RPTOR: variants seen among roughly 807,000 people sequenced by gnomAD.
RPTOR encodes the protein regulatory-associated protein of mTOR.
A neutral mutation model predicts 169.9 loss-of-function variants in RPTOR; 21 were observed. The observed-to-expected ratio is 0.12, with a 90% CI of 0.09 to 0.18. The LOEUF is 0.18. Among genes scored for constraint, RPTOR ranks in the 10% least tolerant of loss-of-function variants. The pLI is 1.00. For synonymous variants in RPTOR, 732 were observed against 753.2 expected (o/e 0.97, Z 0.46); for missense variants, 1,133 against 1,855.9 (o/e 0.61, Z 7.16).
At chr17:80,911,521 C>T (rs1420298870) in intron 21 of RPTOR, among the ~76,000 whole-genome samples, 1 of 152,168 alleles carries the variant, frequency 6.6e-6, no homozygotes, top group Non-Finnish European at 1.5e-5. Context: ...GTGGCTCACA[C>T]CTGTAATCCC....
At chr17:80,933,703 A>G (rs1317646838) in intron 24 of RPTOR, among the ~76,000 whole-genome samples, 1 of 152,244 alleles carries the variant, frequency 6.6e-6, no homozygotes, top group African/African-American at 2.4e-5. Context: ...TCCTGATTTC[A>G]AAACTTACTA....
chr17:80,856,753 AAC>A (rs1460726381), intron 12 of RPTOR, among the ~76,000 whole-genome samples: 2 of 152,342 alleles, frequency 1.3e-5, no homozygotes, highest in Admixed American at 1.3e-4. Flanking sequence ...ATGTATTCAT[AAC>A]AGTTTAGAAA....
At chr17:80,718,353 C>T (rs1022454055) in intron 4 of RPTOR, among the ~76,000 whole-genome samples, 4 of 152,198 alleles carry the variant, frequency 2.6e-5, no homozygotes, top group African/African-American at 9.7e-5. Context: ...ATGTTCTACC[C>T]TTACCCCTCC....
chr17:80,821,933 G>T (rs1207984296), intron 7 of RPTOR, among the ~76,000 whole-genome samples: 1 of 152,182 alleles, frequency 6.6e-6, no homozygotes, highest in Non-Finnish European at 1.5e-5. Context: ...TGACCAGCTG[G>T]GCTTGGTCTG....
chr17:80,656,712 C>A (rs183376843), intron 3 of RPTOR, among the ~76,000 whole-genome samples: 1 of 152,224 alleles, frequency 6.6e-6, no homozygotes, highest in Non-Finnish European at 1.5e-5. Flanking sequence ...TCTTTCACTT[C>A]TGTCCATCTC....
chr17:80,863,834 C>A (rs141727312), intron 13 of RPTOR, among the ~76,000 whole-genome samples: 1 of 152,166 alleles, frequency 6.6e-6, no homozygotes, highest in African/African-American at 2.4e-5. Flanking sequence ...GCGGGAGAAT[C>A]GCTTGAGCCC....
chr17:80,695,701 T>C lies in RPTOR; in HGVS notation c.349-12140T>C, dbSNP rs940921118. On this transcript the variant is annotated intron_variant, in intron 3 of 33. Transcript: ENST00000306801. This position sits in a 1 kb window ranked among gnomAD's most constrained non-coding sequence, Gnocchi z 4.9. Reference sequence around the variant, plus strand: ...AGCCAGTGGAGTGGTGTGACTTTTGTATTTATAGACTTCTTCCAAAGGTCA... The same window carrying C: ...AGCCAGTGGAGTGGTGTGACTTTTGCATTTATAGACTTCTTCCAAAGGTCA... Among the ~76,000 whole-genome samples, 1 of 152,170 alleles carries C rather than the reference T, an allele frequency of 6.6e-6. No individual in the cohort carries two copies. The highest frequency in any genetic ancestry group is 1.5e-5 in the Non-Finnish European group (1 of 68,024).
chr17:80,958,325 C>T (rs183030794), intron 29 of RPTOR, among the ~76,000 whole-genome samples: 33 of 151,546 alleles, frequency 2.2e-4, no homozygotes, highest in African/African-American at 6.5e-4. Flanking sequence ...TTCCTGGCTC[C>T]GGCAATCTTC....
At chr17:80,623,852 T>G (rs868767788) in intron 1 of RPTOR, among the ~76,000 whole-genome samples, 32 of 152,258 alleles carry the variant, frequency 2.1e-4, no homozygotes, top group Middle Eastern at 3.4e-3. Context: ...TTCTTTATGC[T>G]AGGAACATTC....
At chr17:80,700,490 G>GTGA (rs2066078310) in intron 3 of RPTOR, among the ~76,000 whole-genome samples, 1 of 145,764 alleles carries the variant, frequency 6.9e-6, no homozygotes, top group South Asian at 2.3e-4. Context: ...GATGGTGGTG[G>GTGA]TGATGGTAGA....
chr17:80,911,641 C>T (rs2068614230), intron 21 of RPTOR, among the ~76,000 whole-genome samples: 1 of 151,968 alleles, frequency 6.6e-6, no homozygotes, highest in Non-Finnish European at 1.5e-5. Context: ...GCAAGTTAGC[C>T]GGGCACGGTG....
At chr17:80,780,226 T>C (rs1300488255) in intron 6 of RPTOR, among the ~76,000 whole-genome samples, 1 of 152,186 alleles carries the variant, frequency 6.6e-6, no homozygotes, top group East Asian at 1.9e-4. Context: ...GCTGAAATGC[T>C]GTTGTGCAAT....
intron 6 of RPTOR, among the ~76,000 whole-genome samples, chr17:80,790,510 T>G (rs1196693188): frequency 6.6e-6 from 1 of 152,102 alleles, no homozygotes; most frequent in African/African-American, 2.4e-5. Flanking sequence ...TTCTCCCATT[T>G]CCTATCCCAC....
intron 7 of RPTOR, among the ~76,000 whole-genome samples, chr17:80,818,690 C>T (rs946988869): frequency 6.6e-5 from 10 of 152,102 alleles, no homozygotes; most frequent in Admixed American, 2.0e-4. Flanking sequence ...TGTCTGAAGT[C>T]GGCTGGGCAG....
chr17:80,677,860 C>T (rs971837432), intron 3 of RPTOR, among the ~76,000 whole-genome samples: 3 of 152,140 alleles, frequency 2.0e-5, no homozygotes, highest in Non-Finnish European at 2.9e-5. Context: ...TGTGTTGTTG[C>T]GATGATCGTG....
chr17:80,677,240 T>C, intron 3 of RPTOR, among the ~76,000 whole-genome samples: 1 of 152,232 alleles, frequency 6.6e-6, no homozygotes, highest in East Asian at 1.9e-4. Context: ...AGACACAATC[T>C]ATGCTTCAAT....
rs550866413 is a variant in RPTOR, at chr17:80,964,780, G to A, written c.*450G>A. On this transcript the variant is annotated 3_prime_UTR_variant, in exon 34 of 34. Coordinates refer to ENST00000306801, the MANE Select transcript of RPTOR (RefSeq NM_020761.3). ...TGTCCCCATCAGGCCAAGAGCGAGC[G>A]AGAGGCGCTGCCCCAGCCAGGCCCA... 3.2e-4 allele frequency: 79 copies of A among 245,142 alleles called. 1 individual carries two copies. The highest frequency in any genetic ancestry group is 1.5e-3 in the South Asian group (10 of 6,876). The allele number at this position is 245,142 out of a possible 1,614,324, so 15.2% of individuals were successfully genotyped here. A position where few individuals can be genotyped will look rare whatever the true frequency, so the allele number is the denominator to read the frequency against.
intron 24 of RPTOR, among the ~76,000 whole-genome samples, chr17:80,938,915 C>T (rs2068988447): frequency 6.6e-6 from 1 of 152,210 alleles, no homozygotes; most frequent in Admixed American, 6.5e-5. Context: ...CCTACAACGA[C>T]CGCCTAAAAC....
rs2065640181 is a variant in RPTOR, at chr17:80,651,601, C to T, written c.348+7791C>T. On this transcript the variant is annotated intron_variant, in intron 3 of 33. Transcript: ENST00000306801. This position sits in a 1 kb window ranked among gnomAD's most constrained non-coding sequence, Gnocchi z 4.1. ...CACCATTTTAAAGTGTACAACTTGGCTGGGCGCAGTGGCTCGCGCCTGTAA... is the reference window on the plus strand; with the variant it reads ...CACCATTTTAAAGTGTACAACTTGGTTGGGCGCAGTGGCTCGCGCCTGTAA... 6.6e-6 allele frequency among the ~76,000 whole-genome samples: 1 copy of T among 152,236 alleles called. No individual in the cohort carries two copies. The highest frequency in any genetic ancestry group is 2.4e-5 in the African/African-American group (1 of 41,452).
Sources: gnomAD v4.1 joint callset for allele counts (sites outside exome capture counted in the v4.1 genomes callset) on GRCh38, gnomAD v4.1.1 for gene constraint, Gnocchi (gnomAD v3.1) non-coding constraint, MANE v1.5 for transcripts, NCBI Gene and HGNC (gene_info 2026-07-23, HGNC 2026-07-21) for gene names.